FANCA: variants seen among roughly 807,000 people sequenced by gnomAD.
FANCA encodes the protein FA complementation group A.
In FANCA, 236 loss-of-function variants were observed where a neutral mutation model predicts 194.3. The ratio of observed to expected loss-of-function variants is 1.21; its 90% CI spans 1.09 to 1.35. FANCA has a LOEUF of 1.35. FANCA is among the 40% of genes most tolerant of loss of function. The pLI is 0.00. For missense variants in FANCA, 2,628 were observed against 1,813.9 expected (o/e 1.45, Z -8.15); for synonymous variants, 1,014 against 715.8 (o/e 1.42, Z -6.65).
intron 39 of FANCA, 145 bp from the exon 40 acceptor site, chr16:89,739,698 C>T (rs145860920): frequency 4.6e-6 from 7 of 1,513,806 alleles, no homozygotes; most frequent in Non-Finnish European, 6.2e-6. Flanking sequence ...CTGAGGATAC[C>T]CAGGTACCTG....
chr16:89,789,120 C>T (rs1218853330), intron 14 of FANCA, among the ~76,000 whole-genome samples: 1 of 152,048 alleles, frequency 6.6e-6, no homozygotes, highest in Non-Finnish European at 1.5e-5. Context: ...GAACAAACAC[C>T]TCTCCTCTTA....
intron 35 of FANCA, 80 bp from the exon 36 acceptor site, chr16:89,745,151 A>G: frequency 7.3e-7 from 1 of 1,368,700 alleles, no homozygotes; most frequent in Non-Finnish European, 1.0e-6. Flanking sequence ...ACAAGCCCCC[A>G]GTGCTCCTAC....
intron 26 of FANCA, among the ~76,000 whole-genome samples, chr16:89,767,612 G>A (rs960440950): frequency 2.0e-5 from 3 of 151,598 alleles, no homozygotes; most frequent in Admixed American, 6.6e-5. Context: ...AGAGTGGTGC[G>A]ATTTCGGCTC....
In FANCA at chr16:89,798,461, G is replaced by A. The variant is rs1328174348; in HGVS notation, c.893+705C>T. On this transcript the variant is annotated intron_variant, in intron 10 of 42. Coordinates refer to ENST00000389301, the MANE Select transcript of FANCA (RefSeq NM_000135.4). Reference sequence around the variant, plus strand: ...GTTACTGTGAGGGATGGGAAATGAGGAGCAAAATAAAGAATGAAAAGGTTG... The same window carrying A: ...GTTACTGTGAGGGATGGGAAATGAGAAGCAAAATAAAGAATGAAAAGGTTG... 2.7e-6 allele frequency: 3 copies of A among 1,092,598 alleles called. No individual in the cohort carries two copies. The East Asian group carries it at 1.3e-4, about 49-fold the overall frequency. The allele number at this position is 1,092,598 out of a possible 1,614,324, so 67.7% of individuals were successfully genotyped here.
At chr16:89,792,958 T>C (rs950418603) in intron 11 of FANCA, among the ~76,000 whole-genome samples, 3 of 152,200 alleles carry the variant, frequency 2.0e-5, no homozygotes, top group Non-Finnish European at 4.4e-5. Flanking sequence ...CAGAGACTTT[T>C]AGTACTTTCA....
chr16:89,744,614 G>C (rs546244667), intron 36 of FANCA: 1 of 365,706 alleles, frequency 2.7e-6, no homozygotes, highest in Non-Finnish European at 5.3e-6. Context: ...TCACTCAGAC[G>C]GGAGCCTGGG....
chr16:89,814,160 A>G (rs1285461713), intron 3 of FANCA, among the ~76,000 whole-genome samples: 1 of 152,158 alleles, frequency 6.6e-6, no homozygotes, highest in Non-Finnish European at 1.5e-5. Flanking sequence ...CTGGGGGGAG[A>G]AGGAGGTACC....
intron 38 of FANCA, chr16:89,740,496 G>A: frequency 2.1e-6 from 1 of 480,634 alleles, no homozygotes; most frequent in Non-Finnish European, 3.7e-6. Flanking sequence ...TTAGCCGGGT[G>A]TGACAGACTC....
At chr16:89,812,053 G>A (rs113896117) in intron 3 of FANCA, among the ~76,000 whole-genome samples, 7,164 of 150,244 alleles carry the variant, frequency 0.048, 600 homozygotes, top group African/African-American at 0.17. Flanking sequence ...TAAAGAAACC[G>A]GGCCGGGCAC....
chr16:89,753,918 G>T (rs2038682812), intron 30 of FANCA, among the ~76,000 whole-genome samples: 1 of 152,356 alleles, frequency 6.6e-6, no homozygotes, highest in Non-Finnish European at 1.5e-5. Flanking sequence ...AGACGGGCGT[G>T]TTAGCGGACG....
rs779161754 is a variant in FANCA, at chr16:89,760,349, T to A, written c.2852+1600A>T. 2.0e-3 allele frequency among the ~76,000 whole-genome samples: 298 copies of A among 152,332 alleles called. 1 individual carries two copies. The highest frequency in any genetic ancestry group is 3.4e-3 in the Middle Eastern group (1 of 294). On this transcript the variant is annotated intron_variant, in intron 29 of 42. Transcript: ENST00000389301. ...TTTTGTGGCCCCTATGTTTTCCTTT[T>A]CCTATTACTTCCATTGGTTTCATCC...
chr16:89,790,807 C>T (rs2040045151), intron 14 of FANCA, among the ~76,000 whole-genome samples: 1 of 151,566 alleles, frequency 6.6e-6, no homozygotes, highest in Non-Finnish European at 1.5e-5. Flanking sequence ...CTTCTGTGTC[C>T]CCTCTTTCCT....
In FANCA at chr16:89,738,877, G is replaced by T. The variant is rs762275511; in HGVS notation, c.4260+5C>A. The T allele has an allele frequency of 1.9e-6, 3 of 1,614,138 alleles. No homozygotes were observed. The highest frequency in any genetic ancestry group is 2.7e-5 in the African/African-American group (2 of 74,956). On this transcript the variant is annotated splice_donor_5th_base_variant and intron_variant, in intron 42 of 42. Coordinates refer to ENST00000389301, the MANE Select transcript of FANCA (RefSeq NM_000135.4). Reference sequence around the variant, plus strand: ...CATGGCCCAAGGTGGGCATCTTGACGTTACCTCTGCCACGTGTGAGAAGCT... The same window carrying T: ...CATGGCCCAAGGTGGGCATCTTGACTTTACCTCTGCCACGTGTGAGAAGCT...
intron 8 of FANCA, among the ~76,000 whole-genome samples, 156 bp downstream of exon 8, chr16:89,803,103 T>A (rs575993868): frequency 2.9e-4 from 44 of 152,280 alleles, no homozygotes; most frequent in African/African-American, 1.1e-3. Context: ...ACACCCTGAC[T>A]TGATCATTAC....
intron 20 of FANCA, among the ~76,000 whole-genome samples, 167 bp downstream of exon 20, chr16:89,778,627 TAAAAAAA>T (rs397693835): frequency 9.7e-4 from 29 of 29,914 alleles, no homozygotes; most frequent in African/African-American, 3.7e-3. Context: ...AGACTCCAAC[TAAAAAAA>T]AAAAAAAAAA....
chr16:89,765,245 G>C (rs1055172711), intron 27 of FANCA, among the ~76,000 whole-genome samples, 179 bp from the exon 28 acceptor site: 4 of 152,068 alleles, frequency 2.6e-5, no homozygotes, highest in African/African-American at 9.7e-5. Context: ...GGGGACCTCA[G>C]TCCAGCCCCT....
At chr16:89,742,653 CAAAAAA>C (rs749345470) in intron 37 of FANCA, 141 bp downstream of exon 37, 141 of 310,718 alleles carry the variant, frequency 4.5e-4, no homozygotes, top group African/African-American at 2.1e-3. Flanking sequence ...ACTAAAAATA[CAAAAAA>C]AAAAAAAAAA....
At chr16:89,789,889 G>A (rs577591295) in intron 14 of FANCA, among the ~76,000 whole-genome samples, 1 of 152,152 alleles carries the variant, frequency 6.6e-6, no homozygotes, top group African/African-American at 2.4e-5. Flanking sequence ...GGTTGCCCAG[G>A]GATCCCTGAG....
At chr16:89,808,022 C>T (rs1333619892) in intron 6 of FANCA, among the ~76,000 whole-genome samples, 1 of 151,858 alleles carries the variant, frequency 6.6e-6, no homozygotes, top group Non-Finnish European at 1.5e-5. Flanking sequence ...CGTGCCACTG[C>T]ACTCCCACCT....
Sources: allele counts gnomAD v4.1 joint callset (sites outside exome capture counted in the v4.1 genomes callset), GRCh38; gene constraint gnomAD v4.1.1; transcripts MANE v1.5; gene names NCBI Gene and HGNC (gene_info 2026-07-23, HGNC 2026-07-21).